Variants in NEDD4L observed in about 807,000 individuals in gnomAD.
NEDD4L encodes the protein E3 ubiquitin-protein ligase NEDD4-like.
A neutral mutation model predicts 148.9 loss-of-function variants in NEDD4L; 54 were observed. The observed-to-expected ratio is 0.36, with a 90% CI of 0.29 to 0.45. The LOEUF (loss-of-function observed/expected upper bound fraction) is 0.45. NEDD4L is among the 20% of genes least tolerant of loss of function. The pLI is 1.00. For missense variants in NEDD4L, 856 were observed against 1,233.8 expected (o/e 0.69, Z 4.59); for synonymous variants, 433 against 440.7 (o/e 0.98, Z 0.22).
intron 1 of NEDD4L, among the ~76,000 whole-genome samples, chr18:58,089,704 T>C (rs2083956893): frequency 6.6e-6 from 1 of 152,174 alleles, no homozygotes; most frequent in South Asian, 2.1e-4. Context: ...AGATATTCTT[T>C]CCTGGCAGTT....
At chr18:58,057,529 G>A (rs1055547267) in intron 1 of NEDD4L, among the ~76,000 whole-genome samples, 1 of 152,198 alleles carries the variant, frequency 6.6e-6, no homozygotes, top group Non-Finnish European at 1.5e-5. Flanking sequence ...CCTGGATGGG[G>A]TAGGCACTGG....
intron 2 of NEDD4L, among the ~76,000 whole-genome samples, chr18:58,219,592 A>T: frequency 8.1e-6 from 1 of 123,882 alleles, no homozygotes; most frequent in East Asian, 4.4e-4. Flanking sequence ...CTTGACTTGC[A>T]GATGCTCCTC....
intron 19 of NEDD4L, chr18:58,357,580 T>C: frequency 2.0e-6 from 1 of 488,706 alleles, no homozygotes; most frequent in Admixed American, 2.5e-5. Context: ...AACCAAGCCC[T>C]ATCTTCATAA....
At chr18:58,372,555 A>C (rs1046568845) in intron 23 of NEDD4L, 3 of 152,142 alleles carry the variant, frequency 2.0e-5, no homozygotes, top group African/African-American at 7.2e-5. Context: ...TGATCCTCCC[A>C]CCTTGGCCTC....
chr18:58,317,165 T>TA (rs2058361223), intron 6 of NEDD4L, among the ~76,000 whole-genome samples: 1 of 152,234 alleles, frequency 6.6e-6, no homozygotes, highest in Non-Finnish European at 1.5e-5. Context: ...GTGATATTCT[T>TA]AAAATATCTT....
intron 2 of NEDD4L, among the ~76,000 whole-genome samples, chr18:58,203,408 G>T (rs1458054219): frequency 6.6e-6 from 1 of 152,130 alleles, no homozygotes; most frequent in Non-Finnish European, 1.5e-5. Flanking sequence ...AGTCTTTATT[G>T]TTAGATTTAG....
intron 4 of NEDD4L, 36 bp from the exon 5 acceptor site, chr18:58,251,965 T>C: frequency 8.4e-7 from 1 of 1,197,598 alleles, no homozygotes; most frequent in Non-Finnish European, 1.2e-6. Flanking sequence ...AAATGATTCC[T>C]GCTCGTTTAA....
chr18:58,294,483 G>A (rs1046562906), intron 5 of NEDD4L, among the ~76,000 whole-genome samples: 4 of 152,122 alleles, frequency 2.6e-5, no homozygotes, highest in Non-Finnish European at 5.9e-5. Context: ...GGCAGCCCTG[G>A]AATGAACAGA....
chr18:58,164,284 A>T (rs1185881968), intron 1 of NEDD4L, among the ~76,000 whole-genome samples: 3 of 151,908 alleles, frequency 2.0e-5, no homozygotes, highest in Non-Finnish European at 4.4e-5. Context: ...CTATTTTCTC[A>T]CCTGTGATTG....
chr18:58,293,005 G>A (rs912311183), intron 5 of NEDD4L, among the ~76,000 whole-genome samples: 6 of 152,188 alleles, frequency 3.9e-5, no homozygotes, highest in Admixed American at 2.0e-4. Context: ...TTGTCTTTGG[G>A]CTAGGAGGTA....
chr18:58,045,208 T>A, intron 1 of NEDD4L: 2 of 398,316 alleles, frequency 5.0e-6, no homozygotes, highest in Non-Finnish European at 8.9e-6. Context: ...AGCCTGTGCG[T>A]GCTTATCCCG....
intron 2 of NEDD4L, among the ~76,000 whole-genome samples, chr18:58,218,932 T>G (rs761891075): frequency 6.6e-6 from 1 of 152,162 alleles, no homozygotes; most frequent in Non-Finnish European, 1.5e-5. Flanking sequence ...TAACATTGTG[T>G]TGGAGCTGGT....
intron 5 of NEDD4L, among the ~76,000 whole-genome samples, chr18:58,276,187 CTT>C (rs2051915441): frequency 8.3e-6 from 1 of 121,186 alleles, no homozygotes; most frequent in Admixed American, 8.3e-5. Context: ...TGTGCATTTT[CTT>C]TTTCGTTTTT....
chr18:58,195,482 G>A (rs778998075), intron 2 of NEDD4L: 167 of 1,343,562 alleles, frequency 1.2e-4, no homozygotes, highest in Admixed American at 7.3e-4. Context: ...CTTAAGCCGC[G>A]CGAGGGTGCC....
intron 2 of NEDD4L, among the ~76,000 whole-genome samples, chr18:58,210,425 A>G (rs1348764242): frequency 1.3e-5 from 2 of 152,216 alleles, no homozygotes; most frequent in East Asian, 3.9e-4. Context: ...CCAGGAATCC[A>G]TGGATTTCCA....
intron 2 of NEDD4L, among the ~76,000 whole-genome samples, chr18:58,232,108 C>T (rs2148150395): frequency 6.6e-6 from 1 of 152,230 alleles, no homozygotes; most frequent in East Asian, 1.9e-4. Context: ...AAACATACAC[C>T]CATAAAACAG....
At chr18:58,390,800 A>G in intron 29 of NEDD4L, 58 bp downstream of exon 29, 1 of 1,286,636 alleles carries the variant, frequency 7.8e-7, no homozygotes, top group Non-Finnish European at 1.1e-6. Flanking sequence ...CCAGGCATGA[A>G]CTCTGGCCCA....
chr18:58,324,828 AT>A (rs966021706), intron 8 of NEDD4L, among the ~76,000 whole-genome samples, 167 bp from the exon 9 acceptor site: 2 of 152,014 alleles, frequency 1.3e-5, no homozygotes. Flanking sequence ...ATATATATAT[AT>A]TTTTTTGGCC....
intron 30 of NEDD4L, among the ~76,000 whole-genome samples, 183 bp downstream of exon 30, chr18:58,391,742 G>T (rs2049862528): frequency 6.6e-6 from 1 of 152,226 alleles, no homozygotes; most frequent in African/African-American, 2.4e-5. Flanking sequence ...AATGCACTCA[G>T]TATGTTTGGC....
Sources: gnomAD v4.1 joint callset for allele counts (sites outside exome capture counted in the v4.1 genomes callset) on GRCh38, gnomAD v4.1.1 for gene constraint, MANE v1.5 for transcripts, NCBI Gene and HGNC (gene_info 2026-07-23, HGNC 2026-07-21) for gene names.